The following GLIS3 variants were observed in gnomAD, a reference collection of about 807,000 sequenced individuals.
The protein encoded by GLIS3 is GLIS family zinc finger 3.
Under a neutral mutation model 78.6 loss-of-function variants are expected in GLIS3, and 53 were observed. That is an observed-to-expected ratio of 0.67 (90% CI 0.54 to 0.85). The LOEUF is 0.85. Among genes scored for constraint, GLIS3 ranks in the 40% least tolerant of loss-of-function variants. The pLI, the probability that GLIS3 is intolerant of heterozygous loss-of-function variation, is 0.00. For missense variants in GLIS3, 1,703 were observed against 1,231.1 expected (o/e 1.38, Z -5.74); for synonymous variants, 684 against 509.9 (o/e 1.34, Z -4.60).
At chr9:4,477,087 A>G in the GLIS3 span, among the ~76,000 whole-genome samples, 1 of 152,166 alleles carries the variant, frequency 6.6e-6, no homozygotes, top group African/African-American at 2.4e-5. Context: ...AATTTAAAGC[A>G]GGGACTCAAA....
At chr9:4,258,612 T>C (rs1260853837) in intron 2 of GLIS3, among the ~76,000 whole-genome samples, 1 of 152,204 alleles carries the variant, frequency 6.6e-6, no homozygotes, top group Non-Finnish European at 1.5e-5. Context: ...GCCTTTGCTT[T>C]TGAGGACATC....
chr9:4,373,955 C>T, the GLIS3 span, among the ~76,000 whole-genome samples: 12 of 152,172 alleles, frequency 7.9e-5, no homozygotes, highest in Admixed American at 2.0e-4. Flanking sequence ...TGTGAGCCAC[C>T]GCGCCTGGCC....
At chr9:4,452,552 G>C in the GLIS3 span, among the ~76,000 whole-genome samples, 1 of 152,130 alleles carries the variant, frequency 6.6e-6, no homozygotes, top group Admixed American at 6.5e-5. Context: ...CAAATCATGA[G>C]TTACCTTCCA....
chr9:4,225,795 A>G lies in GLIS3; in HGVS notation c.388+60243T>C, dbSNP rs749568818. Among the ~76,000 whole-genome samples, 9 of 152,172 alleles carry G rather than the reference A, an allele frequency of 5.9e-5. 1 individual carries two copies. The highest frequency in any genetic ancestry group is 1.3e-4 in the Non-Finnish European group (9 of 68,032). ...TGAGACCTTGAATAAACCAGAGTCTATTCATCCTACGAGTCATGAATTTGA... is the reference window on the plus strand; with the variant it reads ...TGAGACCTTGAATAAACCAGAGTCTGTTCATCCTACGAGTCATGAATTTGA... On this transcript the variant is annotated intron_variant, in intron 2 of 10. Transcript: ENST00000381971.
intron 4 of GLIS3, among the ~76,000 whole-genome samples, chr9:4,055,122 A>G (rs1393698807): frequency 6.6e-6 from 1 of 152,166 alleles, no homozygotes; most frequent in Non-Finnish European, 1.5e-5. Flanking sequence ...TCTCCTTTCC[A>G]TTACTTCTGC....
At chr9:4,022,439 C>G (rs1472684600) in intron 4 of GLIS3, among the ~76,000 whole-genome samples, 3 of 152,242 alleles carry the variant, frequency 2.0e-5, no homozygotes, top group Non-Finnish European at 2.9e-5. Context: ...TCCATTTATG[C>G]AAAAAATATT....
At chr9:3,894,286 C>T (rs1822666971) in intron 7 of GLIS3, among the ~76,000 whole-genome samples, 1 of 152,190 alleles carries the variant, frequency 6.6e-6, no homozygotes, top group Non-Finnish European at 1.5e-5. Flanking sequence ...CACAACTCTC[C>T]TATTAAGTTT....
In GLIS3 at chr9:4,244,747, G is replaced by T. The variant is rs553778795; in HGVS notation, c.388+41291C>A. On this transcript the variant is annotated intron_variant, in intron 2 of 10. Transcript: ENST00000381971. ...CCGCCACCACACCCAGCTAATTTTT[G>T]TATTTTTAGTAGAGATAGGGTTTCA... is the stretch of plus-strand genomic sequence containing the variant. 2.0e-5 allele frequency among the ~76,000 whole-genome samples: 3 copies of T among 152,018 alleles called. No homozygotes were observed. In the East Asian group the frequency reaches 5.8e-4, roughly 29 times the overall value.
chr9:4,209,992 C>A (rs899294321), intron 2 of GLIS3, among the ~76,000 whole-genome samples: 2 of 152,292 alleles, frequency 1.3e-5, no homozygotes, highest in South Asian at 4.1e-4. Flanking sequence ...TATGGCTTAA[C>A]ATCAAGATAG....
At chr9:4,235,864 C>T (rs533702653) in intron 2 of GLIS3, among the ~76,000 whole-genome samples, 27 of 152,268 alleles carry the variant, frequency 1.8e-4, no homozygotes, top group Admixed American at 1.6e-3. Context: ...CTGAGTCAAT[C>T]TCACTATGCA....
At chr9:3,997,824 T>C in intron 4 of GLIS3, among the ~76,000 whole-genome samples, 1 of 152,008 alleles carries the variant, frequency 6.6e-6, no homozygotes, top group East Asian at 1.9e-4. Context: ...GCATTTCTAT[T>C]CAGCATCACC....
chr9:4,211,685 T>G (rs925570509), intron 2 of GLIS3, among the ~76,000 whole-genome samples: 3 of 152,208 alleles, frequency 2.0e-5, no homozygotes, highest in African/African-American at 7.2e-5. Flanking sequence ...TCAGAAGAAA[T>G]GAAGTCATCC....
intron 9 of GLIS3, among the ~76,000 whole-genome samples, chr9:3,839,437 C>G (rs1374046036): frequency 2.0e-5 from 3 of 152,018 alleles, no homozygotes; most frequent in Non-Finnish European, 2.9e-5. Flanking sequence ...TAGTGTTATA[C>G]CAACCACTCA....
chr9:4,246,208 A>C (rs1460359638), intron 2 of GLIS3, among the ~76,000 whole-genome samples: 1 of 152,204 alleles, frequency 6.6e-6, no homozygotes, highest in Non-Finnish European at 1.5e-5. Flanking sequence ...CAAATACAAA[A>C]ATTATCCAGT....
At chr9:4,424,758 CG>C in the GLIS3 span, among the ~76,000 whole-genome samples, 11 of 151,890 alleles carry the variant, frequency 7.2e-5, no homozygotes, top group African/African-American at 2.7e-4. Flanking sequence ...ATTGTAGAGA[CG>C]GGATTTTGCC....
chr9:4,181,566 A>T (rs1817326473), intron 2 of GLIS3, among the ~76,000 whole-genome samples: 1 of 152,216 alleles, frequency 6.6e-6, no homozygotes, highest in African/African-American at 2.4e-5. Context: ...CACCAAGCCC[A>T]GCCCTCTTTC....
upstream of GLIS3, among the ~76,000 whole-genome samples, chr9:4,349,497 A>G (rs1405249978): frequency 6.6e-6 from 1 of 152,196 alleles, no homozygotes; most frequent in Non-Finnish European, 1.5e-5. Context: ...GTAGAAAAAG[A>G]GAATGGAAAT....
At chr9:4,252,145 T>C (rs1194655394) in intron 2 of GLIS3, among the ~76,000 whole-genome samples, 1 of 152,222 alleles carries the variant, frequency 6.6e-6, no homozygotes, top group African/African-American at 2.4e-5. Context: ...AATTTGAATG[T>C]TGGCCTGTCT....
At chr9:3,963,316 T>C (rs2130890502) in intron 4 of GLIS3, among the ~76,000 whole-genome samples, 1 of 152,340 alleles carries the variant, frequency 6.6e-6, no homozygotes, top group East Asian at 1.9e-4. Flanking sequence ...ACACATCCCC[T>C]GCACTTCTGG....
Sources: allele counts gnomAD v4.1 joint callset (sites outside exome capture counted in the v4.1 genomes callset), GRCh38; gene constraint gnomAD v4.1.1; transcripts MANE v1.5; gene names NCBI Gene and HGNC (gene_info 2026-07-23, HGNC 2026-07-21).